HMGN5: variants seen among roughly 807,000 people sequenced by gnomAD.
HMGN5 encodes high mobility group nucleosome binding domain 5.
Under a neutral mutation model 9.5 loss-of-function variants are expected in HMGN5, and 4 were observed. The observed-to-expected ratio is 0.42, with a 90% CI of 0.21 to 0.96. The LOEUF is 0.96. HMGN5 is among the 40% of genes least tolerant of loss of function. HMGN5 has a pLI of 0.30. For synonymous variants in HMGN5, 55 were observed against 57.1 expected, an observed-to-expected ratio of 0.96 and a Z score of 0.16; for missense variants, 192 against 187.5, an observed-to-expected ratio of 1.02 and a Z score of -0.14.
chrX:81,168,670 C>G (rs775451577), intron 1 of HMGN5, among the ~76,000 whole-genome samples: 1 of 111,841 alleles, frequency 8.9e-6, no homozygotes, highest in Non-Finnish European at 1.9e-5. Flanking sequence ...AAATGAATGT[C>G]AGGGGTACAC....
chrX:81,120,625 T>C (rs1322573605), intron 2 of HMGN5, among the ~76,000 whole-genome samples: 2 of 111,324 alleles, frequency 1.8e-5, no homozygotes, highest in East Asian at 2.8e-4. Context: ...ATAGGAATAA[T>C]CCAAAAACAA....
At chrX:81,153,611 A>C (rs1199842809) in intron 1 of HMGN5, among the ~76,000 whole-genome samples, 1,477 of 41,983 alleles carry the variant, frequency 0.035, 191 homozygotes, top group Admixed American at 0.1. Flanking sequence ...ATATATATAT[A>C]TATATATATA....
intron 1 of HMGN5, among the ~76,000 whole-genome samples, chrX:81,123,520 A>C (rs959720120): frequency 1.8e-5 from 2 of 112,185 alleles, no homozygotes; most frequent in Non-Finnish European, 3.8e-5. Flanking sequence ...GATAAGCATA[A>C]AAATTGATTT....
intron 1 of HMGN5, among the ~76,000 whole-genome samples, chrX:81,177,949 T>A (rs1430790930): frequency 1.2e-4 from 13 of 111,940 alleles, no homozygotes; most frequent in Non-Finnish European, 9.4e-5. Context: ...CCGAACAACT[T>A]GCTCCTGAGT....
intron 1 of HMGN5, among the ~76,000 whole-genome samples, chrX:81,179,176 A>C (rs2035621134): frequency 1.8e-5 from 2 of 111,865 alleles, no homozygotes; most frequent in Non-Finnish European, 3.8e-5. Context: ...ACTCCTATTC[A>C]ACATAGTGTT....
intron 1 of HMGN5, among the ~76,000 whole-genome samples, chrX:81,200,749 CTAATG>C (rs776286435): frequency 1.8e-5 from 2 of 110,733 alleles, no homozygotes; most frequent in East Asian, 5.8e-4. Flanking sequence ...GGTGAAATAC[CTAATG>C]TAAACAACGA....
At chrX:81,137,131 T>A (rs2147550896) in intron 1 of HMGN5, among the ~76,000 whole-genome samples, 2 of 111,383 alleles carry the variant, frequency 1.8e-5, no homozygotes, top group East Asian at 5.7e-4. Flanking sequence ...TGGATCTGTA[T>A]AGTTGGGGAC....
chrX:81,190,800 C>G (rs1280652914), intron 1 of HMGN5, among the ~76,000 whole-genome samples: 1 of 110,796 alleles, frequency 9.0e-6, no homozygotes, highest in African/African-American at 3.3e-5. Context: ...ATGCAGGTAT[C>G]CAGTTATTCC....
chrX:81,173,768 T>C (rs1184953917), intron 1 of HMGN5, among the ~76,000 whole-genome samples: 1 of 112,035 alleles, frequency 8.9e-6, no homozygotes, highest in Non-Finnish European at 1.9e-5. Context: ...GCTGTCTCTC[T>C]CATAATGAGC....
At chrX:81,125,715 G>T (rs1303979327) in intron 1 of HMGN5, among the ~76,000 whole-genome samples, 1 of 111,886 alleles carries the variant, frequency 8.9e-6, no homozygotes, top group Non-Finnish European at 1.9e-5. Context: ...CAATTTAAAA[G>T]AATGCTATTT....
At chrX:81,153,095 C>T (rs371384576) in intron 1 of HMGN5, among the ~76,000 whole-genome samples, 1 of 105,537 alleles carries the variant, frequency 9.5e-6, no homozygotes, top group East Asian at 3.0e-4. Flanking sequence ...TGTATACATA[C>T]GTAACTAACC....
At chrX:81,172,355 TG>T (rs1403117047) in intron 1 of HMGN5, among the ~76,000 whole-genome samples, 1 of 111,032 alleles carries the variant, frequency 9.0e-6, no homozygotes, top group Non-Finnish European at 1.9e-5. Context: ...TTGTTAATTT[TG>T]GTAGGTATGG....
In HMGN5 at chrX:81,114,527, GAAATT is replaced by G; in HGVS notation, c.*117_*121del. ...CTAATAATCAATATGAAGATGTTCTGAAATTAAATCAATGCTAAAGAAAGGCTGTG... is the reference window on the plus strand; with the variant it reads ...CTAATAATCAATATGAAGATGTTCTGAAATCAATGCTAAAGAAAGGCTGTG... On this transcript the variant is annotated 3_prime_UTR_variant, in exon 7 of 7. Coordinates refer to ENST00000358130, the MANE Select transcript of HMGN5 (RefSeq NM_030763.3). 3.2e-6 allele frequency: 2 copies of G among 633,508 alleles called. No individual in the cohort carries two copies. The highest frequency in any genetic ancestry group is 2.3e-5 in the African/African-American group (1 of 43,540). 52.2% of individuals were successfully genotyped at this position (633,508 alleles called of 1,213,427 possible).
At chrX:81,150,720 C>T (rs943088727) in intron 1 of HMGN5, among the ~76,000 whole-genome samples, 7 of 111,252 alleles carry the variant, frequency 6.3e-5, no homozygotes, top group Non-Finnish European at 9.4e-5. Context: ...ACCAAATTGA[C>T]GAACCTATGG....
chrX:81,192,395 C>A (rs1352244883), intron 1 of HMGN5, among the ~76,000 whole-genome samples: 1 of 111,065 alleles, frequency 9.0e-6, no homozygotes, highest in African/African-American at 3.3e-5. Context: ...GTAAATTTTG[C>A]CAATGAAACA....
intron 1 of HMGN5, among the ~76,000 whole-genome samples, chrX:81,191,366 G>T (rs2075493752): frequency 8.9e-6 from 1 of 111,838 alleles, no homozygotes; most frequent in African/African-American, 3.2e-5. Context: ...ACAGGAAGAA[G>T]TTTAATATTT....
At chrX:81,138,744 T>A (rs751244727) in intron 1 of HMGN5, among the ~76,000 whole-genome samples, 2 of 111,561 alleles carry the variant, frequency 1.8e-5, no homozygotes, top group African/African-American at 6.5e-5. Flanking sequence ...TCCATTGAAG[T>A]CTATAAAAAA....
Position 81,177,367 on chromosome X carries a change from C to CAAAAAAAAAAAAAAAA in HMGN5, c.-124+24354_-124+24369dup, listed in dbSNP as rs148090852. 1.6e-3 allele frequency among the ~76,000 whole-genome samples: 17 copies of CAAAAAAAAAAAAAAAA among 10,676 alleles called. 2 individuals carry two copies. The highest frequency in any genetic ancestry group is 8.3e-3 in the East Asian group (2 of 241). The allele number at this position is 10,676 out of a possible 115,157, so 9.3% of individuals were successfully genotyped here. On this transcript the variant is annotated intron_variant, in intron 1 of 6. Transcript: ENST00000358130. Reference sequence around the variant, plus strand: ...GAAGATCTACCAAGCAAATGGAAAGCAAAAAAAAAAAAAAAAAAAAAAAAA... The same window carrying CAAAAAAAAAAAAAAAA: ...GAAGATCTACCAAGCAAATGGAAAGCAAAAAAAAAAAAAAAAAAAAAAAAAAAAAAAAAAAAAAAAA...
intron 1 of HMGN5, among the ~76,000 whole-genome samples, chrX:81,188,369 T>C (rs1316127950): frequency 2.8e-5 from 3 of 108,862 alleles, no homozygotes; most frequent in Non-Finnish European, 5.7e-5. Flanking sequence ...GCTCAAAAGA[T>C]CCACCAGCCT....
Sources: allele counts gnomAD v4.1 joint callset (sites outside exome capture counted in the v4.1 genomes callset), GRCh38; gene constraint gnomAD v4.1.1; transcripts MANE v1.5; gene names NCBI Gene and HGNC (gene_info 2026-07-23, HGNC 2026-07-21).